RNF13: variants seen among roughly 807,000 people sequenced by gnomAD.
RNF13 encodes ring finger protein 13.
A neutral mutation model predicts 37.7 loss-of-function variants in RNF13; 19 were observed. That is an observed-to-expected ratio of 0.50 (90% CI 0.35 to 0.74). The LOEUF (loss-of-function observed/expected upper bound fraction) is 0.74, where lower values mean the gene tolerates loss of function less well. RNF13 is among the 30% of genes least tolerant of loss of function. RNF13 has a pLI of 0.01. For synonymous variants in RNF13, 144 were observed against 157.8 expected, an observed-to-expected ratio of 0.91 and a Z score of 0.65; for missense variants, 375 against 453.0, an observed-to-expected ratio of 0.83 and a Z score of 1.56.
chr3:149,813,551 TC>T (rs1425867641), intron 1 of RNF13, among the ~76,000 whole-genome samples, 198 bp downstream of exon 1: 1 of 152,190 alleles, frequency 6.6e-6, no homozygotes, highest in East Asian at 1.9e-4. Flanking sequence ...GGACCGAGTC[TC>T]CCCTGCACTC....
chr3:149,885,949 T>C (rs941577381), intron 4 of RNF13, among the ~76,000 whole-genome samples: 3 of 152,242 alleles, frequency 2.0e-5, no homozygotes, highest in Non-Finnish European at 2.9e-5. Context: ...CTTCTGGATA[T>C]GTACCTCCAG....
intron 5 of RNF13, among the ~76,000 whole-genome samples, chr3:149,900,823 G>GT: frequency 6.6e-6 from 1 of 151,968 alleles, no homozygotes; most frequent in East Asian, 1.9e-4. Flanking sequence ...TTTCTGGTGT[G>GT]TATGTGCGCG....
chr3:149,921,279 G>T lies in RNF13; in HGVS notation c.700+52G>T, dbSNP rs762270500. On this transcript the variant is annotated intron_variant, in intron 8 of 9. Coordinates refer to ENST00000392894, the MANE Select transcript of RNF13 (RefSeq NM_183381.3). Reference sequence around the variant, plus strand: ...TCCTTAGTTTATTTAAGACTGCAGGGTGACTATACTCTTTAAAAAAATTTT... The same window carrying T: ...TCCTTAGTTTATTTAAGACTGCAGGTTGACTATACTCTTTAAAAAAATTTT... 1.5e-5 allele frequency: 12 copies of T among 786,532 alleles called. No homozygotes were observed. In the South Asian group the frequency reaches 1.6e-4, roughly 11 times the overall value. The allele number at this position is 786,532 out of a possible 1,614,324, so 48.7% of individuals were successfully genotyped here.
At chr3:149,956,740 AC>A (rs375477511) in intron 8 of RNF13, among the ~76,000 whole-genome samples, 17 of 152,326 alleles carry the variant, frequency 1.1e-4, no homozygotes, top group Middle Eastern at 3.4e-3. Context: ...GATTTCTTCC[AC>A]AACTTCTGAC....
intron 1 of RNF13, among the ~76,000 whole-genome samples, chr3:149,829,301 T>C (rs898370268): frequency 1.3e-5 from 2 of 152,090 alleles, no homozygotes; most frequent in African/African-American, 4.8e-5. Flanking sequence ...AGTTTTATCA[T>C]GTTGGCCAGG....
chr3:149,820,753 C>T, intron 1 of RNF13, among the ~76,000 whole-genome samples: 1 of 152,118 alleles, frequency 6.6e-6, no homozygotes, highest in African/African-American at 2.4e-5. Flanking sequence ...TGTCTAGTTT[C>T]AAAACATTTT....
chr3:149,956,900 G>C (rs1721921021), intron 8 of RNF13, among the ~76,000 whole-genome samples: 1 of 152,044 alleles, frequency 6.6e-6, no homozygotes, highest in Non-Finnish European at 1.5e-5. Context: ...CACCATCTCT[G>C]GTCCACAAGA....
intron 5 of RNF13, among the ~76,000 whole-genome samples, chr3:149,901,205 T>TC (rs987231280): frequency 1.8e-4 from 28 of 151,918 alleles, no homozygotes; most frequent in Non-Finnish European, 3.7e-4. Context: ...TTTACTTGCC[T>TC]CCCCCCCTTT....
intron 4 of RNF13, among the ~76,000 whole-genome samples, chr3:149,873,605 T>C (rs933574814): frequency 2.6e-5 from 4 of 152,214 alleles, no homozygotes; most frequent in African/African-American, 9.7e-5. Flanking sequence ...CATACATTTG[T>C]GCCTTTACAT....
rs1163011261 is a variant in RNF13, at chr3:149,961,961, T to A, written c.*857T>A. 6.5e-6 allele frequency: 1 copy of A among 152,672 alleles called. No homozygotes were observed. Among genetic ancestry groups the A allele is most frequent in the East Asian group, 1.9e-4 (1 of 5,202 alleles). The allele number at this position is 152,672 out of a possible 1,614,324, so 9.5% of individuals were successfully genotyped here. A position where few individuals can be genotyped will look rare whatever the true frequency, so the allele number is the denominator to read the frequency against. On this transcript the variant is annotated 3_prime_UTR_variant, in exon 10 of 10. Transcript: ENST00000392894. ...GGATTTGAAAGTAAGTGACTTATGTTTAACAGAACTAATGATGTATTGAAA... is the reference window on the plus strand; with the variant it reads ...GGATTTGAAAGTAAGTGACTTATGTATAACAGAACTAATGATGTATTGAAA...
chr3:149,943,110 C>T (rs1720430002), intron 8 of RNF13, among the ~76,000 whole-genome samples: 1 of 151,976 alleles, frequency 6.6e-6, no homozygotes. Context: ...ATTTTCACAT[C>T]AGTATACTTA....
At position 149,866,394 on chromosome 3, in the gene RNF13, TAA is replaced by T. The variant is rs1235526596; in HGVS notation, c.196-5633_196-5632del. Among the ~76,000 whole-genome samples, 4 of 152,244 alleles carry T rather than the reference TAA, an allele frequency of 2.6e-5. No homozygotes were observed. In the East Asian group the frequency reaches 7.7e-4, roughly 29 times the overall value. On this transcript the variant is annotated intron_variant, in intron 3 of 9. Coordinates refer to ENST00000392894, the MANE Select transcript of RNF13 (RefSeq NM_183381.3). Reference sequence around the variant, plus strand: ...CTTCCTGAAGTTGCCGTGGCATTTGTAAAGTGTCATGGCGCTGGTGGGAGTGT... The same window carrying T: ...CTTCCTGAAGTTGCCGTGGCATTTGTAGTGTCATGGCGCTGGTGGGAGTGT...
chr3:149,897,393 T>C (rs749475430), intron 5 of RNF13, among the ~76,000 whole-genome samples: 8 of 152,242 alleles, frequency 5.3e-5, no homozygotes, highest in African/African-American at 1.2e-4. Flanking sequence ...AGTAAAAATT[T>C]TGCAGGCTGA....
At position 149,899,491 on chromosome 3, in the gene RNF13, T is replaced by A. The variant is rs935606306; in HGVS notation, c.410-2581T>A. Among the ~76,000 whole-genome samples, 7 of 151,774 alleles carry A rather than the reference T, an allele frequency of 4.6e-5. No individual in the cohort carries two copies. In the East Asian group the frequency reaches 5.8e-4, roughly 13 times the overall value. On this transcript the variant is annotated intron_variant, in intron 5 of 9. Transcript: ENST00000392894. ...GAATGAATGAATAAATAAAAAAAAA[T>A]AAGTTTTAAACAGCTGTGTAAGGCA...
At chr3:149,920,327 C>T (rs186053544) in intron 7 of RNF13, among the ~76,000 whole-genome samples, 25 of 152,100 alleles carry the variant, frequency 1.6e-4, no homozygotes, top group Admixed American at 1.5e-3. Flanking sequence ...CCTTGACATC[C>T]TGGGCTCAAA....
At chr3:149,884,974 CAT>C (rs1310198808) in intron 4 of RNF13, among the ~76,000 whole-genome samples, 3 of 151,882 alleles carry the variant, frequency 2.0e-5, no homozygotes, top group African/African-American at 4.8e-5. Flanking sequence ...TAAGTGAAAA[CAT>C]GTGATGTTTG....
chr3:149,875,161 C>T (rs1279359056), intron 4 of RNF13, among the ~76,000 whole-genome samples: 1 of 152,078 alleles, frequency 6.6e-6, no homozygotes, highest in African/African-American at 2.4e-5. Flanking sequence ...CAACTCCATA[C>T]ATAATACTAC....
At chr3:149,849,377 G>A (rs1241625557) in intron 2 of RNF13, among the ~76,000 whole-genome samples, 2 of 152,154 alleles carry the variant, frequency 1.3e-5, no homozygotes, top group African/African-American at 4.8e-5. Flanking sequence ...ATTATTGAGG[G>A]CCAGTGTGCT....
At chr3:149,908,144 A>G (rs1716622490) in intron 6 of RNF13, among the ~76,000 whole-genome samples, 1 of 152,230 alleles carries the variant, frequency 6.6e-6, no homozygotes, top group Non-Finnish European at 1.5e-5. Flanking sequence ...GTCTTTTAAA[A>G]ACTTAAATTC....
Sources: gnomAD v4.1 joint callset for allele counts (sites outside exome capture counted in the v4.1 genomes callset) on GRCh38, gnomAD v4.1.1 for gene constraint, MANE v1.5 for transcripts, NCBI Gene and HGNC (gene_info 2026-07-23, HGNC 2026-07-21) for gene names.